The following CCDC60 variants were observed in gnomAD, a reference collection of about 807,000 sequenced individuals.
CCDC60 encodes coiled-coil domain-containing protein 60.
Under a neutral mutation model 63.5 loss-of-function variants are expected in CCDC60, and 54 were observed. The observed-to-expected ratio is 0.85, with a 90% CI of 0.68 to 1.07. The LOEUF is 1.07. Ranked by LOEUF, CCDC60 falls within the 50% of genes least tolerant of loss-of-function variation. The pLI is 0.00. For missense variants in CCDC60, 651 were observed against 684.3 expected (o/e 0.95, Z 0.54); for synonymous variants, 206 against 238.8 (o/e 0.86, Z 1.27).
At chr12:119,444,520 A>G (rs548185121) in intron 2 of CCDC60, among the ~76,000 whole-genome samples, 2 of 152,314 alleles carry the variant, frequency 1.3e-5, no homozygotes, top group East Asian at 1.9e-4. Context: ...TGAATTATTC[A>G]TGGGAAGTCT....
At chr12:119,354,233 A>T (rs1955693928) in intron 1 of CCDC60, among the ~76,000 whole-genome samples, 1 of 152,190 alleles carries the variant, frequency 6.6e-6, no homozygotes, top group Non-Finnish European at 1.5e-5. Context: ...TTAAAAAGTG[A>T]ACAGAAAAAC....
intron 2 of CCDC60, among the ~76,000 whole-genome samples, chr12:119,458,867 C>T (rs1023928423): frequency 6.6e-6 from 1 of 152,078 alleles, no homozygotes; most frequent in Admixed American, 6.6e-5. Flanking sequence ...TTGCCTCAGC[C>T]CCCCGAGTAG....
intron 4 of CCDC60, among the ~76,000 whole-genome samples, chr12:119,488,455 A>G (rs1362340304): frequency 9.9e-5 from 15 of 152,130 alleles, no homozygotes; most frequent in Non-Finnish European, 1.8e-4. Flanking sequence ...ACAAATTCTC[A>G]GTAACTGGCA....
At chr12:119,469,864 T>C (rs1469306524) in intron 2 of CCDC60, among the ~76,000 whole-genome samples, 1 of 152,212 alleles carries the variant, frequency 6.6e-6, no homozygotes, top group African/African-American at 2.4e-5. Context: ...AATGAATTGA[T>C]CTAGCATATA....
At chr12:119,409,496 G>A (rs1956554766) in intron 1 of CCDC60, among the ~76,000 whole-genome samples, 1 of 152,168 alleles carries the variant, frequency 6.6e-6, no homozygotes, top group Non-Finnish European at 1.5e-5. Context: ...AGGAGGTATT[G>A]CAGCTACTAG....
chr12:119,450,207 A>G (rs1950605584), intron 2 of CCDC60, among the ~76,000 whole-genome samples: 1 of 126,194 alleles, frequency 7.9e-6, no homozygotes, highest in Non-Finnish European at 1.6e-5. Flanking sequence ...AAGCTAAACA[A>G]TGTGCACACA....
In CCDC60 at chr12:119,522,995, C is replaced by A; in HGVS notation, c.1097C>A (p.Ser366Tyr). The A allele has an allele frequency of 6.2e-7, 1 of 1,614,062 alleles. No homozygotes were observed. Among genetic ancestry groups the A allele is most frequent in the Non-Finnish European group, 8.5e-7 (1 of 1,179,960 alleles). Residue 366 changes from serine (S) to tyrosine (Y), a missense_variant, in exon 10 of 14, where the codon TCT (serine) becomes TAT (tyrosine). Ser to Tyr is a moderately radical substitution (Grantham distance 144). Coordinates refer to ENST00000327554, the MANE Select transcript of CCDC60 (RefSeq NM_178499.5). ...ESHIQPVQKK[S>Y]KNRTNCDINI... ...CACATCCAACCAGTCCAGAAGAAGT[C>A]TAAAAAGTAAGCCAGGAGGGCAATG... is the stretch of plus-strand genomic sequence containing the variant.
chr12:119,528,045 T>C (rs904312035), intron 11 of CCDC60, among the ~76,000 whole-genome samples: 4 of 151,990 alleles, frequency 2.6e-5, no homozygotes, highest in African/African-American at 9.7e-5. Context: ...AGGATAAAGC[T>C]GGAAAATGTG....
intron 6 of CCDC60, among the ~76,000 whole-genome samples, chr12:119,503,248 C>G (rs1951901511): frequency 6.6e-6 from 1 of 152,114 alleles, no homozygotes; most frequent in Non-Finnish European, 1.5e-5. Context: ...TCATATTGTT[C>G]TAGATAAAAT....
intron 7 of CCDC60, among the ~76,000 whole-genome samples, chr12:119,513,354 T>A (rs1952262909): frequency 6.6e-6 from 1 of 152,204 alleles, no homozygotes; most frequent in African/African-American, 2.4e-5. Context: ...TGTCTCACAG[T>A]TCTGGATACT....
intron 1 of CCDC60, among the ~76,000 whole-genome samples, chr12:119,371,540 C>A (rs893069695): frequency 2.0e-5 from 3 of 152,214 alleles, no homozygotes; most frequent in Non-Finnish European, 4.4e-5. Flanking sequence ...GGGTTAGAAT[C>A]CCATGTCTAC....
chr12:119,519,882 C>CTG (rs1235066453), intron 8 of CCDC60, among the ~76,000 whole-genome samples: 2 of 148,022 alleles, frequency 1.4e-5, no homozygotes, highest in East Asian at 4.0e-4. Flanking sequence ...GTGTGTATAC[C>CTG]TGTGTGTGTG....
chr12:119,445,831 C>G (rs144826546), intron 2 of CCDC60, among the ~76,000 whole-genome samples: 1 of 152,216 alleles, frequency 6.6e-6, no homozygotes, highest in Non-Finnish European at 1.5e-5. Flanking sequence ...TGGAGTAACT[C>G]AGGAATGGAA....
chr12:119,523,619 C>A (rs1952592609), intron 10 of CCDC60, 74 bp from the exon 11 acceptor site: 2 of 1,591,972 alleles, frequency 1.3e-6, no homozygotes, highest in African/African-American at 1.3e-5. Flanking sequence ...CTAAGGGGGG[C>A]CAGAGTGGGA....
At chr12:119,335,608 T>C (rs1193339592) in intron 1 of CCDC60, among the ~76,000 whole-genome samples, 1 of 151,622 alleles carries the variant, frequency 6.6e-6, no homozygotes, top group Non-Finnish European at 1.5e-5. Context: ...TTTTGAGAAG[T>C]GTCTGTTCAT....
rs1225191123 is a variant in CCDC60, at chr12:119,456,051, GAA to G, written c.171-15941_171-15940del. Among the ~76,000 whole-genome samples, 1 of 144,978 alleles carries G rather than the reference GAA, an allele frequency of 6.9e-6. No individual in the cohort carries two copies. The highest frequency in any genetic ancestry group is 2.6e-5 in the African/African-American group (1 of 39,016). The stretch of plus-strand genomic sequence containing the variant: ...AGAAAGAAAGAAAGAAAGAAAGAAA[GAA>G]AGAAAGAAAGCAAGCAAGCATGTGC... On this transcript the variant is annotated intron_variant, in intron 2 of 13. Coordinates refer to ENST00000327554, the MANE Select transcript of CCDC60 (RefSeq NM_178499.5). This position sits in a 1 kb window ranked among gnomAD's most constrained non-coding sequence, Gnocchi z 4.6.
chr12:119,462,886 C>T (rs1593123672), intron 2 of CCDC60, among the ~76,000 whole-genome samples: 1 of 151,876 alleles, frequency 6.6e-6, no homozygotes, highest in Admixed American at 6.6e-5. Context: ...TGCAGTGATG[C>T]GATGTCAGCT....
At chr12:119,478,903 C>T (rs981305184) in intron 3 of CCDC60, among the ~76,000 whole-genome samples, 191 bp from the exon 4 acceptor site, 1 of 152,192 alleles carries the variant, frequency 6.6e-6, no homozygotes, top group Non-Finnish European at 1.5e-5. Context: ...CGGCACCCGA[C>T]CGAGGGCAGG....
chr12:119,534,374 G>T (rs1192082369), intron 13 of CCDC60, among the ~76,000 whole-genome samples: 1 of 152,142 alleles, frequency 6.6e-6, no homozygotes, highest in Non-Finnish European at 1.5e-5. Flanking sequence ...GGGACATTTT[G>T]ACTTCCTCTT....
Sources: gnomAD v4.1 joint callset for allele counts (sites outside exome capture counted in the v4.1 genomes callset) on GRCh38, gnomAD v4.1.1 for gene constraint, Gnocchi (gnomAD v3.1) non-coding constraint, MANE v1.5 for transcripts, NCBI Gene and HGNC (gene_info 2026-07-23, HGNC 2026-07-21) for gene names.